MYO6: variants seen among roughly 807,000 people sequenced by gnomAD.
MYO6 encodes unconventional myosin-VI.
MYO6 carries 74 observed loss-of-function variants against 178.7 expected under a neutral mutation model. The observed-to-expected ratio is 0.41, with a 90% confidence interval of 0.34 to 0.50. The LOEUF (loss-of-function observed/expected upper bound fraction) is 0.50, where lower values mean the gene tolerates loss of function less well. MYO6 is among the 20% of genes least tolerant of loss of function. The probability of loss-of-function intolerance (pLI) is 0.09; values close to 1 mark genes in which losing one functional copy is unlikely to be tolerated. For missense variants in MYO6, 1,330 were observed against 1,547.4 expected (o/e 0.86, Z 2.36); for synonymous variants, 477 against 504.6 (o/e 0.95, Z 0.73).
At chr6:75,895,718 A>G (rs564473885) in intron 29 of MYO6, among the ~76,000 whole-genome samples, 2 of 151,838 alleles carry the variant, frequency 1.3e-5, no homozygotes, top group South Asian at 2.1e-4. Context: ...GGGTTTCACC[A>G]TGTTGGCCAG....
At chr6:75,878,242 T>C (rs1777730013) in intron 20 of MYO6, among the ~76,000 whole-genome samples, 1 of 140,904 alleles carries the variant, frequency 7.1e-6, no homozygotes. Flanking sequence ...TAAGCTCTGC[T>C]TTATTCTTTT....
intron 1 of MYO6, among the ~76,000 whole-genome samples, chr6:75,772,334 C>T (rs551070361): frequency 6.6e-5 from 10 of 152,218 alleles, no homozygotes; most frequent in Middle Eastern, 3.4e-3. Flanking sequence ...CACTATCCCC[C>T]ACCCCCGTCG....
intron 32 of MYO6, among the ~76,000 whole-genome samples, chr6:75,908,856 C>G (rs1004152632): frequency 1.3e-5 from 2 of 151,946 alleles, no homozygotes; most frequent in Non-Finnish European, 2.9e-5. Flanking sequence ...ATAATTGAGA[C>G]AAGAATTTTC....
chr6:75,780,496 T>C (rs959464781), intron 1 of MYO6, among the ~76,000 whole-genome samples: 12 of 152,160 alleles, frequency 7.9e-5, no homozygotes, highest in African/African-American at 2.9e-4. Flanking sequence ...TTACTTGATA[T>C]TAATTTTTTT....
rs139317468 is a variant in MYO6, at chr6:75,788,205, A to G, written c.-47-29296A>G. ...CCAGCCTGGGCAACATGGTGAAAAA[A>G]CACAAAAGATTAGCTAGGTGTGGTG... On this transcript the variant is annotated intron_variant, in intron 1 of 34. Coordinates refer to ENST00000369977, the MANE Select transcript of MYO6 (RefSeq NM_004999.4). Among the ~76,000 whole-genome samples, 27 of 152,050 alleles carry G rather than the reference A, an allele frequency of 1.8e-4. No individual in the cohort carries two copies. In the East Asian group the frequency reaches 5.0e-3, roughly 28 times the overall value.
chr6:75,844,969 A>G lies in MYO6; in HGVS notation c.889A>G (p.Ser297Gly). The G allele has an allele frequency of 6.2e-7, 1 of 1,610,772 alleles. No individual in the cohort carries two copies. The highest frequency in any genetic ancestry group is 8.5e-7 in the Non-Finnish European group (1 of 1,177,144). The change falls in exon 10 of 35, where the codon AGT becomes GGT. Residue 297 changes from serine to glycine, a missense_variant. Around this residue, in one of 3 missense-constraint regions of MYO6, gnomAD observed 613 missense variants for 816.8 expected, o/e 0.75. Transcript: ENST00000369977. ...TDKQILQNRK[S>G]PEYLKAGSMK... ...CAAACAGATTTTACAGAACCGCAAA[A>G]GTCCTGAGGTATAGTAGACCATTGT...
intron 18 of MYO6, among the ~76,000 whole-genome samples, chr6:75,870,406 A>C (rs966573682): frequency 1.3e-5 from 2 of 152,112 alleles, no homozygotes; most frequent in Admixed American, 6.5e-5. Context: ...TAATATTGCT[A>C]ATTTTCAGTC....
rs1199987029 is a variant in MYO6 at position 75,807,234 on chromosome 6, CT to C, written c.-47-10263del. ...TTAGAAGGACCTGTTCTTTTTTCTT[CT>C]TTTCTCACTAATCTCTCTGGAAATA... On this transcript the variant is annotated intron_variant, in intron 1 of 34. Coordinates refer to ENST00000369977, the MANE Select transcript of MYO6 (RefSeq NM_004999.4). Among the ~76,000 whole-genome samples, 31 of 151,980 alleles carry C rather than the reference CT, an allele frequency of 2.0e-4. 1 individual carries two copies. Among genetic ancestry groups the C allele is most frequent in the Non-Finnish European group, 4.4e-5 (3 of 67,968 alleles).
chr6:75,818,243 A>G (rs558306652), intron 2 of MYO6, among the ~76,000 whole-genome samples: 2 of 152,334 alleles, frequency 1.3e-5, no homozygotes, highest in Non-Finnish European at 2.9e-5. Flanking sequence ...ACAAAATGAA[A>G]GTCTGAGGGA....
intron 20 of MYO6, among the ~76,000 whole-genome samples, chr6:75,876,681 G>C (rs1777592152): frequency 1.3e-5 from 2 of 152,122 alleles, no homozygotes; most frequent in African/African-American, 4.8e-5. Flanking sequence ...TCAATAAGCA[G>C]TATATTTCAA....
At chr6:75,887,902 C>T (rs909334441) in intron 25 of MYO6, among the ~76,000 whole-genome samples, 29 of 151,488 alleles carry the variant, frequency 1.9e-4, no homozygotes, top group Admixed American at 1.4e-3. Context: ...TGGAGTGAAC[C>T]GGGGGGGCGG....
intron 32 of MYO6, among the ~76,000 whole-genome samples, chr6:75,910,961 T>G (rs139227390): frequency 6.6e-6 from 1 of 152,188 alleles, no homozygotes; most frequent in African/African-American, 2.4e-5. Context: ...ATTGTTGACT[T>G]AAAGAGTAAT....
At chr6:75,817,299 C>T (rs1176832471) in intron 1 of MYO6, among the ~76,000 whole-genome samples, 38 of 134,338 alleles carry the variant, frequency 2.8e-4, no homozygotes, top group Non-Finnish European at 4.4e-4. Context: ...AGTGAGATTC[C>T]GTCTCAAAAA....
At chr6:75,758,495 C>G (rs559837306) in intron 1 of MYO6, among the ~76,000 whole-genome samples, 2 of 152,172 alleles carry the variant, frequency 1.3e-5, no homozygotes, top group Non-Finnish European at 2.9e-5. Context: ...GAGTCTCGCT[C>G]TGTCACCCAG....
At chr6:75,799,053 A>G (rs1298022667) in intron 1 of MYO6, among the ~76,000 whole-genome samples, 1 of 152,198 alleles carries the variant, frequency 6.6e-6, no homozygotes, top group African/African-American at 2.4e-5. Flanking sequence ...CTAACCAAGG[A>G]GGTGAAAGAC....
rs1781180760 is a variant in MYO6, at chr6:75,917,482, TTACTC to T, written c.*2473_*2477del. ...ATGGGAACTAATTGAGAAAAGGAAG[TTACTC>T]TAATCCACGTATGTTAAGAGAATAT... On this transcript the variant is annotated 3_prime_UTR_variant, in exon 35 of 35. Transcript: ENST00000369977. 1.3e-5 allele frequency: 2 copies of T among 152,388 alleles called. No homozygotes were observed. The highest frequency in any genetic ancestry group is 4.8e-5 in the African/African-American group (2 of 41,466). The allele number at this position is 152,388 out of a possible 1,614,324, so 9.4% of individuals were successfully genotyped here.
intron 24 of MYO6, among the ~76,000 whole-genome samples, 169 bp downstream of exon 24, chr6:75,886,263 CATTT>C (rs1156364093): frequency 2.6e-5 from 4 of 152,064 alleles, no homozygotes; most frequent in Non-Finnish European, 5.9e-5. Flanking sequence ...TTAGTTAATT[CATTT>C]ATTACCTTAT....
intron 15 of MYO6, among the ~76,000 whole-genome samples, chr6:75,862,166 G>A (rs1776263267): frequency 6.6e-6 from 1 of 152,330 alleles, no homozygotes; most frequent in South Asian, 2.1e-4. Context: ...GCGTAAAAAT[G>A]TGTTGTTACA....
intron 9 of MYO6, among the ~76,000 whole-genome samples, chr6:75,841,811 A>G (rs1188009046): frequency 2.6e-5 from 4 of 152,242 alleles, no homozygotes; most frequent in African/African-American, 4.8e-5. Context: ...TGGATCAAGT[A>G]TAACATGTTA....
Sources: gnomAD v4.1 joint callset for allele counts (sites outside exome capture counted in the v4.1 genomes callset) on GRCh38, gnomAD v4.1.1 for gene constraint, gnomAD v4.1.1 regional missense constraint, MANE v1.5 for transcripts, NCBI Gene and HGNC (gene_info 2026-07-23, HGNC 2026-07-21) for gene names.